Variants in DPYD observed in about 807,000 individuals in gnomAD.
The protein encoded by DPYD is dihydropyrimidine dehydrogenase.
Under a neutral mutation model 116.2 loss-of-function variants are expected in DPYD, and 109 were observed. The observed-to-expected ratio is 0.94, with a 90% CI of 0.80 to 1.10. The LOEUF (loss-of-function observed/expected upper bound fraction) is 1.10. Among genes scored for constraint, DPYD ranks in the 50% least tolerant of loss-of-function variants. The pLI is 0.00. For synonymous variants in DPYD, 440 were observed against 432.0 expected (o/e 1.02, Z -0.23); for missense variants, 1,302 against 1,254.5 (o/e 1.04, Z -0.57).
At chr1:97,333,060 C>CTTT (rs10681575) in intron 16 of DPYD, among the ~76,000 whole-genome samples, 9,152 of 133,768 alleles carry the variant, frequency 0.068, 560 homozygotes, top group African/African-American at 0.15. Flanking sequence ...ACTGCTAATT[C>CTTT]TTTTTTTTTT....
At chr1:97,219,941 C>T (rs1660673401) in intron 19 of DPYD, among the ~76,000 whole-genome samples, 1 of 152,100 alleles carries the variant, frequency 6.6e-6, no homozygotes, top group African/African-American at 2.4e-5. Flanking sequence ...CTTGCCATGC[C>T]TGAAATAGGC....
chr1:97,188,712 A>G (rs1479135906), intron 20 of DPYD, among the ~76,000 whole-genome samples: 1 of 152,218 alleles, frequency 6.6e-6, no homozygotes, highest in Non-Finnish European at 1.5e-5. Context: ...AAATATATTA[A>G]TGATTGATCA....
At position 97,554,884 on chromosome 1, in the gene DPYD, T is replaced by C. The variant is rs533177156; in HGVS notation, c.1340-5140A>G. On this transcript the variant is annotated intron_variant, in intron 11 of 22. Coordinates refer to ENST00000370192, the MANE Select transcript of DPYD (RefSeq NM_000110.4). ...TGCTCCTCCAGGTCCTCAAACACTG[T>C]CTCTTACTCTTTTCAGTATATTGTA... Among the ~76,000 whole-genome samples the C allele has an allele frequency of 1.4e-4, 22 of 152,214 alleles. No homozygotes were observed. The Middle Eastern group carries it at 0.01, about 71-fold the overall frequency.
At chr1:97,505,110 G>A (rs1647222218) in intron 13 of DPYD, among the ~76,000 whole-genome samples, 1 of 151,984 alleles carries the variant, frequency 6.6e-6, no homozygotes, top group South Asian at 2.1e-4. Context: ...CATAAACCTG[G>A]TGATAAAACC....
chr1:97,388,801 T>C (rs949332929), intron 14 of DPYD, among the ~76,000 whole-genome samples: 9 of 152,198 alleles, frequency 5.9e-5, no homozygotes, highest in South Asian at 4.1e-4. Flanking sequence ...GTTTTCTTAA[T>C]GGACTATATT....
intron 8 of DPYD, among the ~76,000 whole-genome samples, chr1:97,601,862 T>C (rs1655270552): frequency 6.6e-6 from 1 of 152,034 alleles, no homozygotes; most frequent in Non-Finnish European, 1.5e-5. Context: ...ATAACACATA[T>C]GAAATTAGAT....
chr1:97,614,811 T>A (rs1423005627), intron 8 of DPYD, among the ~76,000 whole-genome samples: 1 of 152,114 alleles, frequency 6.6e-6, no homozygotes, highest in Non-Finnish European at 1.5e-5. Flanking sequence ...CTGAGGAAAC[T>A]GCAGTCTAGA....
At chr1:97,550,103 A>G (rs75615748) in intron 11 of DPYD, among the ~76,000 whole-genome samples, 2 of 152,182 alleles carry the variant, frequency 1.3e-5, no homozygotes, top group Non-Finnish European at 2.9e-5. Context: ...CATTTTTACA[A>G]ATCTGTTACT....
At chr1:97,781,433 C>A (rs1666738898) in intron 3 of DPYD, among the ~76,000 whole-genome samples, 1 of 152,186 alleles carries the variant, frequency 6.6e-6, no homozygotes, top group South Asian at 2.1e-4. Flanking sequence ...TACATATATG[C>A]ATCCATTGAG....
intron 7 of DPYD, among the ~76,000 whole-genome samples, chr1:97,682,492 G>T (rs929965826): frequency 6.6e-6 from 1 of 151,940 alleles, no homozygotes; most frequent in Admixed American, 6.6e-5. Flanking sequence ...TGCCATGCAA[G>T]AAATAATCTA....
chr1:97,333,665 T>C (rs1441912442), intron 16 of DPYD, among the ~76,000 whole-genome samples: 1 of 150,884 alleles, frequency 6.6e-6, no homozygotes, highest in Non-Finnish European at 1.5e-5. Flanking sequence ...GGATTACAGG[T>C]GCCTGCCACC....
intron 2 of DPYD, among the ~76,000 whole-genome samples, chr1:97,829,892 T>TCCCTCAGC (rs1389380114): frequency 6.6e-6 from 1 of 151,660 alleles, no homozygotes; most frequent in East Asian, 1.9e-4. Context: ...ATGCCATCCC[T>TCCCTCAGC]CCCTCAGCCC....
intron 8 of DPYD, among the ~76,000 whole-genome samples, chr1:97,597,313 C>T (rs904744579): frequency 1.3e-5 from 2 of 152,166 alleles, no homozygotes; most frequent in African/African-American, 4.8e-5. Flanking sequence ...GTCATCCCTT[C>T]TGGCCAGGGA....
At chr1:97,278,028 T>C (rs959548874) in intron 18 of DPYD, among the ~76,000 whole-genome samples, 2 of 152,342 alleles carry the variant, frequency 1.3e-5, no homozygotes, top group Middle Eastern at 3.4e-3. Flanking sequence ...TAGTTTGTGA[T>C]TGCCTAGTTC....
intron 3 of DPYD, among the ~76,000 whole-genome samples, chr1:97,791,416 A>G (rs183580038): frequency 1.3e-4 from 20 of 152,336 alleles, no homozygotes; most frequent in Non-Finnish European, 1.5e-5. Flanking sequence ...AACCATAATG[A>G]TGTGCTTTTG....
rs377551811 is a variant in DPYD, at chr1:97,473,243, G to C, written c.1741-23020C>G. ...AATACAGTAGTACTTGTCTTTCTAT[G>C]TCTGGCTTATTTCACTTAGCATAAT... is the stretch of plus-strand genomic sequence containing the variant. On this transcript the variant is annotated intron_variant, in intron 13 of 22. Transcript: ENST00000370192. Among the ~76,000 whole-genome samples the C allele has an allele frequency of 1.9e-4, 29 of 152,222 alleles. No individual in the cohort carries two copies. In the South Asian group the frequency reaches 2.7e-3, roughly 14 times the overall value.
At chr1:97,899,040 C>T (rs567154044) in intron 1 of DPYD, among the ~76,000 whole-genome samples, 120 of 151,746 alleles carry the variant, frequency 7.9e-4, no homozygotes, top group African/African-American at 2.8e-3. Context: ...AAGAAGTGGC[C>T]CTCAGCTCAC....
chr1:97,173,281 C>CACATATGT (rs1190752539), intron 20 of DPYD, among the ~76,000 whole-genome samples: 54 of 126,914 alleles, frequency 4.3e-4, no homozygotes, highest in African/African-American at 1.6e-3. Flanking sequence ...TATATATGCA[C>CACATATGT]ACATATATGT....
At chr1:97,654,011 C>T (rs1390223154) in intron 8 of DPYD, among the ~76,000 whole-genome samples, 5 of 152,108 alleles carry the variant, frequency 3.3e-5, no homozygotes, top group African/African-American at 7.2e-5. Context: ...GTGTGCTCTC[C>T]ATACATGTGC....
Sources: gnomAD v4.1 joint callset for allele counts (sites outside exome capture counted in the v4.1 genomes callset) on GRCh38, gnomAD v4.1.1 for gene constraint, MANE v1.5 for transcripts, NCBI Gene and HGNC (gene_info 2026-07-23, HGNC 2026-07-21) for gene names.